The following MGAM2 variants were observed in gnomAD, a reference collection of about 807,000 sequenced individuals.
MGAM2 encodes probable maltase-glucoamylase 2.
Under a neutral mutation model 96.1 loss-of-function variants are expected in MGAM2, and 98 were observed. The ratio of observed to expected loss-of-function variants is 1.02; its 90% CI spans 0.87 to 1.21. The LOEUF is 1.21. Ranked by LOEUF, MGAM2 falls within the 50% of genes most tolerant of loss-of-function variation. MGAM2 has a pLI of 0.00. For missense variants in MGAM2, 2,055 were observed against 1,182.4 expected (o/e 1.74, Z -10.82); for synonymous variants, 749 against 414.8 (o/e 1.81, Z -9.79).
At position 142,117,040 on chromosome 7, in the gene MGAM2, G is replaced by C. The variant is rs1817432175; in HGVS notation, c.106+61G>C. On this transcript the variant is annotated intron_variant, in intron 2 of 47. Transcript: ENST00000477922. ...AAGGAAGTCTCCTGTAAACGCCAAA[G>C]AGATTATTTTATTCTTTTACTTTTC... 5 of 700,986 alleles carry C rather than the reference G, an allele frequency of 7.1e-6. No homozygotes were observed. The East Asian group carries it at 1.3e-4, about 19-fold the overall frequency. 43.4% of individuals were successfully genotyped at this position (700,986 alleles called of 1,614,324 possible). A position where few individuals can be genotyped will look rare whatever the true frequency, so the allele number is the denominator to read the frequency against.
Position 142,219,970 on chromosome 7 carries a change from C to T in MGAM2, c.5459C>T (p.Thr1820Ile). 1.4e-6 allele frequency: 1 copy of T among 702,852 alleles called. No individual in the cohort carries two copies. Among genetic ancestry groups the T allele is most frequent in the Non-Finnish European group, 2.6e-6 (1 of 384,902 alleles). 43.5% of individuals were successfully genotyped at this position (702,852 alleles called of 1,614,324 possible). A position where few individuals can be genotyped will look rare whatever the true frequency, so the allele number is the denominator to read the frequency against. ...CCTGTACTTCCTACTCCAACTAAGA[C>T]AAGTACCATCCCAATGAGTTCTCAT... ...GGPVLPTPTK[T>I]STIPMSSHPS... The change falls in exon 48 of 48, where the codon ACA becomes ATA. Residue 1820 changes from threonine to isoleucine, a missense_variant. Transcript: ENST00000477922.
At chr7:142,177,835 G>T (rs1796422574) in intron 32 of MGAM2, among the ~76,000 whole-genome samples, 1 of 152,174 alleles carries the variant, frequency 6.6e-6, no homozygotes, top group Non-Finnish European at 1.5e-5. Flanking sequence ...AGACATAGAA[G>T]TACCTGTGTT....
intron 45 of MGAM2, among the ~76,000 whole-genome samples, chr7:142,203,017 G>T (rs1585214497): frequency 6.6e-6 from 1 of 152,032 alleles, no homozygotes; most frequent in Non-Finnish European, 1.5e-5. Context: ...GGTTTGATTT[G>T]CATTTCTGTA....
At position 142,160,172 on chromosome 7, in the gene MGAM2, G is replaced by A; in HGVS notation, c.2259G>A (p.Met753Ile). ...AISWRKQLVN[M>I]LLPGDKIGLH... ...CATGGAGGAAACAGTTGGTGAATATGCTTCTCCCAGGTGACAAGATAGGAC... is the reference window on the plus strand; with the variant it reads ...CATGGAGGAAACAGTTGGTGAATATACTTCTCCCAGGTGACAAGATAGGAC... The change falls in exon 21 of 48, where the codon ATG (methionine) becomes ATA (isoleucine). Residue 753 changes from methionine (M) to isoleucine (I), a missense_variant. Transcript: ENST00000477922. 2.8e-6 allele frequency: 2 copies of A among 702,736 alleles called. No homozygotes were observed. Among genetic ancestry groups the A allele is most frequent in the Non-Finnish European group, 5.2e-6 (2 of 384,842 alleles). 43.5% of individuals were successfully genotyped at this position (702,736 alleles called of 1,614,324 possible).
At chr7:142,176,312 A>G (rs1012601244) in intron 32 of MGAM2, among the ~76,000 whole-genome samples, 1 of 152,224 alleles carries the variant, frequency 6.6e-6, no homozygotes, top group African/African-American at 2.4e-5. Context: ...AGGAAGCCAC[A>G]TCTTGACAAA....
intron 23 of MGAM2, among the ~76,000 whole-genome samples, chr7:142,164,077 A>G (rs991474641): frequency 6.6e-6 from 1 of 152,174 alleles, no homozygotes; most frequent in Non-Finnish European, 1.5e-5. Context: ...AATATGTAAG[A>G]TTTAGGTTGG....
chr7:142,217,625 G>T (rs934753547), intron 46 of MGAM2, among the ~76,000 whole-genome samples: 2 of 152,118 alleles, frequency 1.3e-5, no homozygotes, highest in African/African-American at 4.8e-5. Flanking sequence ...CTGGGAAGGG[G>T]TGGGGGCCAT....
chr7:142,205,296 T>G (rs1418235032), intron 45 of MGAM2, among the ~76,000 whole-genome samples: 1 of 152,110 alleles, frequency 6.6e-6, no homozygotes, highest in Non-Finnish European at 1.5e-5. Flanking sequence ...TAGACACACT[T>G]TTAAAAACTC....
chr7:142,116,379 A>G (rs1817402701), intron 1 of MGAM2, among the ~76,000 whole-genome samples: 1 of 152,202 alleles, frequency 6.6e-6, no homozygotes, highest in Non-Finnish European at 1.5e-5. Flanking sequence ...TGAGAGTGTC[A>G]GTGACGTTTA....
chr7:142,221,273 T>C lies in MGAM2; in HGVS notation c.6762T>C (p.Ser2254=). ...CTGCTGGTAATATAACTAGTAATAGTATTTCCATAACAACTACTTCTTTTG... is the reference window on the plus strand; with the variant it reads ...CTGCTGGTAATATAACTAGTAATAGCATTTCCATAACAACTACTTCTTTTG... ...TMSAGNITSN[S]ISITTTSFGN... is the part of the protein sequence containing the mutation. Residue 2254 remains serine, a synonymous_variant, in exon 48 of 48, where the codon AGT becomes AGC. Transcript: ENST00000477922. 1.5e-6 allele frequency: 1 copy of C among 688,496 alleles called. No homozygotes were observed. The highest frequency in any genetic ancestry group is 2.7e-6 in the Non-Finnish European group (1 of 377,048). The allele number at this position is 688,496 out of a possible 1,614,324, so 42.6% of individuals were successfully genotyped here.
chr7:142,119,654 TACATGA>T (rs1794498013), intron 2 of MGAM2, among the ~76,000 whole-genome samples: 1 of 152,108 alleles, frequency 6.6e-6, no homozygotes, highest in Admixed American at 6.6e-5. Context: ...AACCCAAATG[TACATGA>T]ACCGATGAAT....
In MGAM2 at chr7:142,196,154, A is replaced by T; in HGVS notation, c.4347A>T (p.Glu1449Asp). 1 of 1,122,796 alleles carries T rather than the reference A, an allele frequency of 8.9e-7. No individual in the cohort carries two copies. The highest frequency in any genetic ancestry group is 1.3e-6 in the Non-Finnish European group (1 of 755,280). 69.6% of individuals were successfully genotyped at this position (1,122,796 alleles called of 1,614,324 possible). Reference protein sequence around the residue: ...YGWSQTRPTYEAVQEVTGQRG... With the variant: ...YGWSQTRPTYDAVQEVTGQRG... ...CACCTCTTTATTCCCCTCCCACCAGAGCTGTGCAGGAGGTGACAGGACAGC... is the reference window on the plus strand; with the variant it reads ...CACCTCTTTATTCCCCTCCCACCAGTGCTGTGCAGGAGGTGACAGGACAGC... The change falls in exon 38 of 48, where the codon GAA (glutamate) becomes GAT (aspartate). Residue 1449 changes from glutamate to aspartate, a missense_variant and splice_region_variant. By Grantham distance (45) the Glu-to-Asp change is conservative (BLOSUM62 2). Coordinates refer to ENST00000477922, the MANE Select transcript of MGAM2 (RefSeq NM_001293626.2).
At chr7:142,153,411 G>A (rs1326355899) in intron 15 of MGAM2, among the ~76,000 whole-genome samples, 1 of 152,068 alleles carries the variant, frequency 6.6e-6, no homozygotes, top group Non-Finnish European at 1.5e-5. Flanking sequence ...TATCAGATGC[G>A]ATCTTTTGAG....
At chr7:142,129,401 T>C (rs1194140925) in intron 3 of MGAM2, among the ~76,000 whole-genome samples, 2 of 152,104 alleles carry the variant, frequency 1.3e-5, no homozygotes, top group Non-Finnish European at 2.9e-5. Flanking sequence ...CATGATTATG[T>C]TTTGAAACGC....
At chr7:142,215,540 C>T (rs1443287414) in intron 46 of MGAM2, among the ~76,000 whole-genome samples, 1 of 151,610 alleles carries the variant, frequency 6.6e-6, no homozygotes, top group East Asian at 1.9e-4. Flanking sequence ...GCAGGTGGAT[C>T]ACCTGAGGTC....
chr7:142,149,272 G>T (rs1795484935), intron 15 of MGAM2, among the ~76,000 whole-genome samples: 1 of 151,656 alleles, frequency 6.6e-6, no homozygotes, highest in African/African-American at 2.4e-5. Context: ...TGGTGCCTCT[G>T]CTCTCTTTCC....
chr7:142,214,386 T>A (rs1372239835), intron 46 of MGAM2, among the ~76,000 whole-genome samples: 2 of 152,196 alleles, frequency 1.3e-5, no homozygotes. Context: ...TTGCAGATGA[T>A]GTGATTGTAT....
At chr7:142,153,970 A>C (rs1294829327) in intron 15 of MGAM2, 48 bp from the exon 16 acceptor site, 1 of 537,022 alleles carries the variant, frequency 1.9e-6, no homozygotes, top group East Asian at 2.8e-5. Flanking sequence ...GGTGAGTCCT[A>C]GACATTCACA....
At chr7:142,137,251 T>G (rs368940338) in intron 8 of MGAM2, among the ~76,000 whole-genome samples, 182 bp from the exon 9 acceptor site, 2 of 151,670 alleles carry the variant, frequency 1.3e-5, no homozygotes, top group Admixed American at 1.3e-4. Context: ...TCTTCATTGG[T>G]GTCTTACACA....
Sources: gnomAD v4.1 joint callset for allele counts (sites outside exome capture counted in the v4.1 genomes callset) on GRCh38, gnomAD v4.1.1 for gene constraint, MANE v1.5 for transcripts, NCBI Gene and HGNC (gene_info 2026-07-23, HGNC 2026-07-21) for gene names.